Variants in SIPA1L3 observed in about 807,000 individuals in gnomAD.
The protein encoded by SIPA1L3 is signal induced proliferation associated 1 like 3.
A neutral mutation model predicts 150.1 loss-of-function variants in SIPA1L3; 59 were observed. The ratio of observed to expected loss-of-function variants is 0.39; its 90% CI spans 0.32 to 0.49. SIPA1L3 has a LOEUF of 0.49. Ranked by LOEUF, SIPA1L3 falls within the 20% of genes least tolerant of loss-of-function variation. The probability of loss-of-function intolerance (pLI) is 0.86; values close to 1 mark genes in which losing one functional copy is unlikely to be tolerated. For missense variants in SIPA1L3, 2,211 were observed against 2,489.5 expected (o/e 0.89, Z 2.38); for synonymous variants, 1,070 against 1,077.6 (o/e 0.99, Z 0.14).
chr19:38,173,974 G>T (rs1972385362), intron 15 of SIPA1L3, among the ~76,000 whole-genome samples: 1 of 151,764 alleles, frequency 6.6e-6, no homozygotes, highest in Non-Finnish European at 1.5e-5. Context: ...GGGGGCAGAT[G>T]GGGGGCCCTG....
intron 3 of SIPA1L3, among the ~76,000 whole-genome samples, chr19:38,085,912 C>G (rs925112762): frequency 2.0e-5 from 3 of 152,066 alleles, no homozygotes; most frequent in Admixed American, 1.3e-4. Context: ...CGGAGAATCG[C>G]TTGAAGCTGG....
chr19:38,098,483 C>T (rs1051415644), intron 4 of SIPA1L3, among the ~76,000 whole-genome samples: 1 of 151,664 alleles, frequency 6.6e-6, no homozygotes, highest in Middle Eastern at 3.4e-3. Flanking sequence ...CAACCTCCGC[C>T]TCCCAGGTTC....
chr19:37,938,337 A>T (rs188956604), intron 1 of SIPA1L3, among the ~76,000 whole-genome samples: 16 of 152,346 alleles, frequency 1.1e-4, no homozygotes, highest in Middle Eastern at 3.4e-3. Flanking sequence ...TGTACTGGAC[A>T]TGAGATTTCT....
chr19:38,017,715 G>A (rs148106447), intron 1 of SIPA1L3, among the ~76,000 whole-genome samples: 1 of 151,762 alleles, frequency 6.6e-6, no homozygotes. Context: ...ATTTTCTGTA[G>A]AGACAGGGTC....
intron 19 of SIPA1L3, among the ~76,000 whole-genome samples, 169 bp downstream of exon 19, chr19:38,198,701 G>A (rs1395870859): frequency 4.6e-5 from 7 of 152,232 alleles, no homozygotes; most frequent in South Asian, 2.1e-4. Flanking sequence ...CCGGGCAAGC[G>A]TCGTCATCTC....
chr19:38,007,751 GTGTGTGTGCA>G (rs1177722686), intron 1 of SIPA1L3, among the ~76,000 whole-genome samples: 1 of 152,052 alleles, frequency 6.6e-6, no homozygotes, highest in African/African-American at 2.4e-5. Flanking sequence ...GTATCTTGGT[GTGTGTGTGCA>G]TGTGTGTGCA....
chr19:38,072,024 G>A (rs962961952), intron 2 of SIPA1L3, among the ~76,000 whole-genome samples: 8 of 152,330 alleles, frequency 5.3e-5, no homozygotes, highest in East Asian at 1.9e-4. Flanking sequence ...GATGTTTTCC[G>A]CATTGGCGAC....
intron 1 of SIPA1L3, among the ~76,000 whole-genome samples, chr19:37,924,277 T>C (rs2046481914): frequency 6.6e-6 from 1 of 152,164 alleles, no homozygotes; most frequent in Non-Finnish European, 1.5e-5. Context: ...ATCATTAGTA[T>C]CACTCTTCCT....
intron 10 of SIPA1L3, among the ~76,000 whole-genome samples, chr19:38,136,016 C>A (rs758819434): frequency 1.1e-4 from 16 of 151,656 alleles, no homozygotes; most frequent in Middle Eastern, 3.2e-3. Context: ...TCCTCCTACC[C>A]CCAGGCCACA....
intron 1 of SIPA1L3, among the ~76,000 whole-genome samples, chr19:38,011,026 GAT>G (rs1233069410): frequency 1.3e-5 from 2 of 152,286 alleles, no homozygotes; most frequent in Admixed American, 6.5e-5. Context: ...GATGTGCGCA[GAT>G]ATATCTTATT....
intron 1 of SIPA1L3, among the ~76,000 whole-genome samples, chr19:37,916,695 C>T (rs977097757): frequency 6.6e-6 from 1 of 152,014 alleles, no homozygotes; most frequent in Non-Finnish European, 1.5e-5. Context: ...CGCGGTGACT[C>T]ATGCCTGTAA....
intron 2 of SIPA1L3, among the ~76,000 whole-genome samples, chr19:38,041,069 G>T (rs144482874): frequency 1.3e-5 from 2 of 149,784 alleles, no homozygotes; most frequent in African/African-American, 4.9e-5. Flanking sequence ...GGCCCCTATC[G>T]TGCTTTTTAA....
chr19:37,949,536 A>G (rs2046742508), intron 1 of SIPA1L3, among the ~76,000 whole-genome samples: 1 of 152,094 alleles, frequency 6.6e-6, no homozygotes, highest in Non-Finnish European at 1.5e-5. Flanking sequence ...GTGGTGGCGC[A>G]CGCCTGTAAT....
intron 2 of SIPA1L3, among the ~76,000 whole-genome samples, chr19:38,035,444 A>G (rs919497868): frequency 6.6e-6 from 1 of 152,222 alleles, no homozygotes; most frequent in Non-Finnish European, 1.5e-5. Flanking sequence ...GGGAACCCCA[A>G]GAAGGCACCT....
chr19:38,009,755 G>A (rs533832018), intron 1 of SIPA1L3, among the ~76,000 whole-genome samples: 18 of 152,204 alleles, frequency 1.2e-4, no homozygotes, highest in African/African-American at 3.6e-4. Flanking sequence ...CCAAGATGGC[G>A]CTCCCTGGCC....
chr19:38,122,275 T>C (rs2145901143), intron 9 of SIPA1L3, among the ~76,000 whole-genome samples: 1 of 152,318 alleles, frequency 6.6e-6, no homozygotes, highest in South Asian at 2.1e-4. Flanking sequence ...CTCAGAGGTT[T>C]CCTGACTTTG....
intron 1 of SIPA1L3, among the ~76,000 whole-genome samples, chr19:37,962,651 G>T (rs778062386): frequency 1.6e-4 from 24 of 151,610 alleles, no homozygotes; most frequent in Non-Finnish European, 3.1e-4. Context: ...TTTGGCGAGG[G>T]TGTGCACACA....
intron 1 of SIPA1L3, among the ~76,000 whole-genome samples, chr19:37,943,461 G>T (rs2046680743): frequency 6.6e-6 from 1 of 152,154 alleles, no homozygotes; most frequent in Non-Finnish European, 1.5e-5. Context: ...GTCAAGAGGG[G>T]ATCAAATCCA....
At chr19:38,018,769 T>C (rs1043530890) in intron 1 of SIPA1L3, among the ~76,000 whole-genome samples, 3 of 152,210 alleles carry the variant, frequency 2.0e-5, no homozygotes, top group African/African-American at 7.2e-5. Context: ...AACTTATATA[T>C]GTACCTGTTT....
Sources: gnomAD v4.1 joint callset for allele counts (sites outside exome capture counted in the v4.1 genomes callset) on GRCh38, gnomAD v4.1.1 for gene constraint, MANE v1.5 for transcripts, NCBI Gene and HGNC (gene_info 2026-07-23, HGNC 2026-07-21) for gene names.